Variants in NUDT14 observed in about 807,000 individuals in gnomAD.
The protein encoded by NUDT14 is nudix hydrolase 14, also known as uridine diphosphate glucose pyrophosphatase NUDT14.
A neutral mutation model predicts 17.5 loss-of-function variants in NUDT14; 22 were observed. That is an observed-to-expected ratio of 1.26 (90% CI 0.90 to 1.80). NUDT14 has a LOEUF of 1.80. Ranked by LOEUF, NUDT14 falls within the 40% of genes most tolerant of loss-of-function variation. The pLI is 0.00. For synonymous variants in NUDT14, 129 were observed against 125.8 expected, an observed-to-expected ratio of 1.03 and a Z score of -0.17; for missense variants, 296 against 295.6, an observed-to-expected ratio of 1.00 and a Z score of -0.01.
rs75267610 is a variant in NUDT14 at position 105,175,140 on chromosome 14, G to A, written c.428+1394C>T. On this transcript the variant is annotated intron_variant, in intron 4 of 4. Coordinates refer to ENST00000392568, the MANE Select transcript of NUDT14 (RefSeq NM_177533.5). ...TGTACCAGTAGAACCACCGCGGCCA[G>A]GGCTGCTTGACCACTTGCCCTGAGA... Among the ~76,000 whole-genome samples the A allele has an allele frequency of 4.5e-3, 680 of 152,316 alleles. 8 individuals are homozygous for A. Among genetic ancestry groups the A allele is most frequent in the African/African-American group, 0.016 (658 of 41,566 alleles).
chr14:105,178,919 C>T (rs587680753), intron 1 of NUDT14, among the ~76,000 whole-genome samples: 38 of 152,230 alleles, frequency 2.5e-4, no homozygotes, highest in African/African-American at 8.4e-4. Context: ...CGGCGTCCCG[C>T]GCAGGTCAGG....
At chr14:105,175,967 C>T in intron 4 of NUDT14, 1 of 1,272,024 alleles carries the variant, frequency 7.9e-7, no homozygotes, top group East Asian at 5.9e-5. Flanking sequence ...CAGCTGGGGT[C>T]AGGAGCCCAT....
chr14:105,177,275 G>GT, intron 2 of NUDT14: 1 of 641,680 alleles, frequency 1.6e-6, no homozygotes, highest in East Asian at 2.8e-5. Flanking sequence ...GGCAGGGAAG[G>GT]ACACACGGGC....
rs746282769 is a variant in NUDT14, at chr14:105,176,621, G to T, written c.341C>A (p.Ser114Ter). ...CAGLVDQPGL[S>*]LEEVACKEAW... The stretch of plus-strand genomic sequence containing the variant: ...CTCCTTGCAAGCCACTTCCTCCAGC[G>T]AGAGCCCAGGCTGGTCCACGAGGCC... The change falls in exon 4 of 5, where the codon TCG (serine) becomes TAG (stop). Residue 114 changes from serine to a stop codon, truncating the protein, a stop_gained. Coordinates refer to ENST00000392568, the MANE Select transcript of NUDT14 (RefSeq NM_177533.5). LOFTEE classifies it high-confidence loss of function. The T allele has an allele frequency of 2.5e-6, 4 of 1,612,716 alleles. No homozygotes were observed. Among genetic ancestry groups the T allele is most frequent in the African/African-American group, 1.3e-5 (1 of 75,018 alleles).
chr14:105,173,427 G>T lies in NUDT14; in HGVS notation c.429-166C>A. The stretch of plus-strand genomic sequence containing the variant: ...ACCCGGATTCCCACCTGGTGTGCAC[G>T]CCCGTGGCCCCTCCCGCAGCAGGGC... On this transcript the variant is annotated intron_variant, in intron 4 of 4. Coordinates refer to ENST00000392568, the MANE Select transcript of NUDT14 (RefSeq NM_177533.5). The surrounding 1 kb of genome is among the most constrained non-coding windows in gnomAD (Gnocchi z 4.7). The T allele has an allele frequency of 1.5e-6, 1 of 672,074 alleles. No individual in the cohort carries two copies. The highest frequency in any genetic ancestry group is 2.2e-6 in the Non-Finnish European group (1 of 459,858). 41.6% of individuals were successfully genotyped at this position (672,074 alleles called of 1,614,324 possible).
Position 105,173,390 on chromosome 14 carries a change from A to G in NUDT14, c.429-129T>C. ...GCCCTCCAGTAGGCAGGACTCTGGG[A>G]TGCCCTCTCCCACCCGGATTCCCAC... On this transcript the variant is annotated intron_variant, in intron 4 of 4. Transcript: ENST00000392568. This position sits in a 1 kb window ranked among gnomAD's most constrained non-coding sequence, Gnocchi z 4.7. 1 of 1,109,402 alleles carries G rather than the reference A, an allele frequency of 9.0e-7. No homozygotes were observed. Among genetic ancestry groups the G allele is most frequent in the Non-Finnish European group, 1.2e-6 (1 of 849,474 alleles). 68.7% of individuals were successfully genotyped at this position (1,109,402 alleles called of 1,614,324 possible). A position where few individuals can be genotyped will look rare whatever the true frequency, so the allele number is the denominator to read the frequency against.
At position 105,177,597 on chromosome 14, in the gene NUDT14, G is replaced by A. The variant is rs1025166046; in HGVS notation, c.125+95C>T. 25 of 1,189,668 alleles carry A rather than the reference G, an allele frequency of 2.1e-5. No homozygotes were observed. In the East Asian group the frequency reaches 3.5e-4, roughly 17 times the overall value. 73.7% of individuals were successfully genotyped at this position (1,189,668 alleles called of 1,614,324 possible). On this transcript the variant is annotated intron_variant, in intron 2 of 4. Transcript: ENST00000392568. ...TGGAGCCCACGCAGGGAACAGCAAC[G>A]TCAGGGAGGAGAGGGCACCTTCGCC... is the stretch of plus-strand genomic sequence containing the variant.
chr14:105,181,191 C>G lies in NUDT14; in HGVS notation c.19G>C (p.Ala7Pro). MERIEGASVGRCAASPY... is the reference protein window; with the variant it reads MERIEGPSVGRCAASPY... ...GAGGCGGCGCAGCGGCCCACGGACG[C>G]CCCCTCGATGCGCTCCATGGCGGCG... Residue 7 changes from alanine (A) to proline (P), a missense_variant, in exon 1 of 5, where the codon GCG becomes CCG. Ala to Pro is a conservative substitution (Grantham distance 27). Coordinates refer to ENST00000392568, the MANE Select transcript of NUDT14 (RefSeq NM_177533.5). This position sits in a 1 kb window ranked among gnomAD's most constrained non-coding sequence, Gnocchi z 5.0. 1 of 1,181,552 alleles carries G rather than the reference C, an allele frequency of 8.5e-7. No individual in the cohort carries two copies. Among genetic ancestry groups the G allele is most frequent in the South Asian group, 2.3e-5 (1 of 43,278 alleles). 73.2% of individuals were successfully genotyped at this position (1,181,552 alleles called of 1,614,324 possible).
Position 105,177,022 on chromosome 14 carries a change from G to C in NUDT14, c.131C>G (p.Thr44Ser), listed in dbSNP as rs773207734. ...WDFMKTHDSV[T>S]VLLFNSSRRS... is the part of the protein sequence containing the mutation. ...CCGAGAAGAGTTGAATAAGAGAACGGTCACGCTGTGTACGGGGGGAGGGGC... is the reference window on the plus strand; with the variant it reads ...CCGAGAAGAGTTGAATAAGAGAACGCTCACGCTGTGTACGGGGGGAGGGGC... Residue 44 changes from threonine (T) to serine (S), a missense_variant, in exon 3 of 5, where the codon ACC (threonine) becomes AGC (serine). Physicochemically the swap from Thr to Ser is moderately conservative, Grantham distance 58 (BLOSUM62 1). Coordinates refer to ENST00000392568, the MANE Select transcript of NUDT14 (RefSeq NM_177533.5). 8 of 1,611,570 alleles carry C rather than the reference G, an allele frequency of 5.0e-6. No individual in the cohort carries two copies. The highest frequency in any genetic ancestry group is 5.9e-6 in the Non-Finnish European group (7 of 1,179,700).
chr14:105,173,320 C>T lies in NUDT14; in HGVS notation c.429-59G>A. 1 of 1,440,412 alleles carries T rather than the reference C, an allele frequency of 6.9e-7. No homozygotes were observed. Among genetic ancestry groups the T allele is most frequent in the Non-Finnish European group, 9.1e-7 (1 of 1,097,752 alleles). The allele number at this position is 1,440,412 out of a possible 1,614,324, so 89.2% of individuals were successfully genotyped here. On this transcript the variant is annotated intron_variant, in intron 4 of 4. Transcript: ENST00000392568. This position sits in a 1 kb window ranked among gnomAD's most constrained non-coding sequence, Gnocchi z 4.7. ...ACGCTGGCCCCGCTGGCCCCCTGGCCCTTCTACCACCCTCCAACCCACCCT... is the reference window on the plus strand; with the variant it reads ...ACGCTGGCCCCGCTGGCCCCCTGGCTCTTCTACCACCCTCCAACCCACCCT...
intron 4 of NUDT14, among the ~76,000 whole-genome samples, chr14:105,174,720 G>C (rs1889175507): frequency 6.6e-6 from 1 of 152,066 alleles, no homozygotes; most frequent in South Asian, 2.1e-4. Context: ...AGACAGGCCC[G>C]GCCCTTGGCC....
intron 4 of NUDT14, chr14:105,176,313 G>A (rs114542956): frequency 8.4e-5 from 50 of 593,162 alleles, no homozygotes; most frequent in African/African-American, 6.1e-4. Context: ...GCTGGGGGCC[G>A]CAGGCTGGGG....
chr14:105,176,081 C>G, intron 4 of NUDT14: 1 of 1,057,908 alleles, frequency 9.5e-7, no homozygotes, highest in African/African-American at 1.7e-5. Flanking sequence ...GTTGGTGCCT[C>G]GAGTTTGGTG....
intron 1 of NUDT14, among the ~76,000 whole-genome samples, chr14:105,178,479 C>T (rs1889263749): frequency 6.6e-6 from 1 of 152,198 alleles, no homozygotes; most frequent in Non-Finnish European, 1.5e-5. Flanking sequence ...GGCCCCTGCA[C>T]CCTGGGTGGC....
chr14:105,177,921 G>C (rs1889251240), intron 1 of NUDT14, among the ~76,000 whole-genome samples, 186 bp from the exon 2 acceptor site: 2 of 152,094 alleles, frequency 1.3e-5, no homozygotes, highest in African/African-American at 4.8e-5. Context: ...GGGGCAGGGA[G>C]GTCAAGGACA....
At position 105,176,552 on chromosome 14, in the gene NUDT14, C is replaced by T. The variant is rs373290193; in HGVS notation, c.410G>A (p.Arg137His). 8.1e-5 allele frequency: 131 copies of T among 1,612,450 alleles called. No individual in the cohort carries two copies. Among genetic ancestry groups the T allele is most frequent in the Non-Finnish European group, 1.0e-4 (118 of 1,179,820 alleles). Reference sequence around the variant, plus strand: ...CACTCACCAGTATGTGGCGACCCGGCGCAGATCAGAGGGGGCCAAGTGGTA... The same window carrying T: ...CACTCACCAGTATGTGGCGACCCGGTGCAGATCAGAGGGGGCCAAGTGGTA... ...CGYHLAPSDL[R>H]RVATYWSGVG... Residue 137 changes from arginine to histidine, a missense_variant, in exon 4 of 5, where the codon CGC (arginine) becomes CAC (histidine). Physicochemically the swap from Arg to His is conservative, Grantham distance 29 (BLOSUM62 0). Transcript: ENST00000392568.
chr14:105,181,170 C>G lies in NUDT14; in HGVS notation c.40G>C (p.Ala14Pro). Residue 14 changes from alanine to proline, a missense_variant, in exon 1 of 5, where the codon GCC (alanine) becomes CCC (proline). Physicochemically the swap from Ala to Pro is conservative, Grantham distance 27 (BLOSUM62 -1). Coordinates refer to ENST00000392568, the MANE Select transcript of NUDT14 (RefSeq NM_177533.5). The surrounding 1 kb of genome is among the most constrained non-coding windows in gnomAD (Gnocchi z 5.0). The part of the protein sequence containing the change: ...IEGASVGRCA[A>P]SPYLRPLTLH... ...GTGAGCGGCCGCAGGTAGGGTGAGG[C>G]GGCGCAGCGGCCCACGGACGCCCCC... is the stretch of plus-strand genomic sequence containing the variant. 1.0e-5 allele frequency: 12 copies of G among 1,178,984 alleles called. No homozygotes were observed. Among genetic ancestry groups the G allele is most frequent in the Non-Finnish European group, 1.2e-5 (11 of 945,976 alleles). 73.0% of individuals were successfully genotyped at this position (1,178,984 alleles called of 1,614,324 possible). A position where few individuals can be genotyped will look rare whatever the true frequency, so the allele number is the denominator to read the frequency against.
chr14:105,175,976 A>G, intron 4 of NUDT14: 2 of 1,272,916 alleles, frequency 1.6e-6, no homozygotes, highest in Non-Finnish European at 2.0e-6. Context: ...TCAGGAGCCC[A>G]TCGTAGCGTC....
chr14:105,177,021 G>T lies in NUDT14; in HGVS notation c.132C>A (p.Thr44=). Residue 44 remains threonine (T), a synonymous_variant, in exon 3 of 5, where the codon ACC becomes ACA. Transcript: ENST00000392568. ...WDFMKTHDSV[T]VLLFNSSRRS... is the part of the protein sequence containing the mutation. ...TCCGAGAAGAGTTGAATAAGAGAAC[G>T]GTCACGCTGTGTACGGGGGGAGGGG... The T allele has an allele frequency of 6.2e-7, 1 of 1,611,622 alleles. No homozygotes were observed. Among genetic ancestry groups the T allele is most frequent in the South Asian group, 1.1e-5 (1 of 90,866 alleles).
Sources: allele counts gnomAD v4.1 joint callset (sites outside exome capture counted in the v4.1 genomes callset), GRCh38; gene constraint gnomAD v4.1.1; non-coding constraint Gnocchi (gnomAD v3.1); transcripts MANE v1.5; gene names NCBI Gene and HGNC (gene_info 2026-07-23, HGNC 2026-07-21).